Variants in RBPMS observed in about 807,000 individuals in gnomAD.
The protein encoded by RBPMS is RNA-binding protein with multiple splicing.
Under a neutral mutation model 26.8 loss-of-function variants are expected in RBPMS, and 7 were observed. The ratio of observed to expected loss-of-function variants is 0.26; its 90% confidence interval spans 0.15 to 0.49. RBPMS has a LOEUF of 0.49. Ranked by LOEUF, RBPMS falls within the 20% of genes least tolerant of loss-of-function variation. RBPMS has a pLI of 0.98. For synonymous variants in RBPMS, 96 were observed against 93.3 expected (o/e 1.03, Z -0.17); for missense variants, 186 against 250.0 (o/e 0.74, Z 1.73).
chr8:30,468,957 C>T (rs1242030224), intron 1 of RBPMS, among the ~76,000 whole-genome samples: 1 of 152,122 alleles, frequency 6.6e-6, no homozygotes, highest in Non-Finnish European at 1.5e-5. Context: ...GTTATCCTTC[C>T]CAGTTCCATG....
chr8:30,413,468 T>A (rs923668178), intron 1 of RBPMS, among the ~76,000 whole-genome samples: 1 of 152,094 alleles, frequency 6.6e-6, no homozygotes, highest in African/African-American at 2.4e-5. Context: ...CCTATACTTT[T>A]CAAATTTTGT....
chr8:30,533,413 A>T (rs888049080), intron 5 of RBPMS, among the ~76,000 whole-genome samples: 1 of 152,190 alleles, frequency 6.6e-6, no homozygotes, highest in African/African-American at 2.4e-5. Context: ...AATGAATCAA[A>T]ATAGGAGAGT....
chr8:30,390,758 A>G (rs1807700993), intron 1 of RBPMS, among the ~76,000 whole-genome samples: 1 of 151,972 alleles, frequency 6.6e-6, no homozygotes, highest in Non-Finnish European at 1.5e-5. Flanking sequence ...TCAGCTATTT[A>G]TTTTGTATGG....
intron 1 of RBPMS, among the ~76,000 whole-genome samples, chr8:30,387,862 A>C (rs937413021): frequency 3.9e-5 from 6 of 152,208 alleles, no homozygotes; most frequent in Non-Finnish European, 7.4e-5. Context: ...ATTGTGCTGA[A>C]ATGCCTCTTT....
At chr8:30,476,645 C>A (rs549540128) in intron 2 of RBPMS, among the ~76,000 whole-genome samples, 155 of 152,298 alleles carry the variant, frequency 1.0e-3, no homozygotes, top group African/African-American at 3.6e-3. Flanking sequence ...ACATTCCTGA[C>A]AACCCTCTTT....
Position 30,571,513 on chromosome 8 carries a change from C to T in RBPMS, c.*988C>T, listed in dbSNP as rs1449302999. The T allele has an allele frequency of 6.6e-6, 1 of 152,270 alleles. No homozygotes were observed. Among genetic ancestry groups the T allele is most frequent in the Non-Finnish European group, 1.5e-5 (1 of 68,066 alleles). 9.4% of individuals were successfully genotyped at this position (152,270 alleles called of 1,614,324 possible). ...TGGCCCTTGAAGGGGTTGGCTGTGC[C>T]CAGCCCACCTGGCTGCAGTGGGCAG... On this transcript the variant is annotated 3_prime_UTR_variant, in exon 9 of 9. Coordinates refer to ENST00000397323, the MANE Select transcript of RBPMS (RefSeq NM_001008710.3).
intron 6 of RBPMS, chr8:30,558,460 T>G (rs952499708): frequency 4.5e-5 from 12 of 268,070 alleles, no homozygotes; most frequent in South Asian, 2.3e-4. Flanking sequence ...CTGGTGTGGA[T>G]GGGGTCGTGA....
rs776466808 is a variant in RBPMS at position 30,479,389 on chromosome 8, T to C, written c.246+12T>C. 9.5e-6 allele frequency: 15 copies of C among 1,583,572 alleles called. No homozygotes were observed. The highest frequency in any genetic ancestry group is 1.3e-5 in the Non-Finnish European group (15 of 1,159,098). On this transcript the variant is annotated intron_variant, in intron 4 of 8. Transcript: ENST00000397323. ...AGAATGCTTTGAATGTAAGTACTAA[T>C]GATGTAATTGTAGGGGGTTTCCATA... is the stretch of plus-strand genomic sequence containing the variant.
At chr8:30,442,266 G>A (rs1389435724) in intron 1 of RBPMS, among the ~76,000 whole-genome samples, 1 of 152,076 alleles carries the variant, frequency 6.6e-6, no homozygotes, top group Non-Finnish European at 1.5e-5. Context: ...GGTGATACAG[G>A]CAAACTTAAG....
At chr8:30,505,557 A>G (rs1374292259) in intron 5 of RBPMS, among the ~76,000 whole-genome samples, 5 of 152,234 alleles carry the variant, frequency 3.3e-5, no homozygotes, top group Non-Finnish European at 7.3e-5. Context: ...TAGATTAAAA[A>G]AAATTATTTT....
intron 5 of RBPMS, among the ~76,000 whole-genome samples, chr8:30,528,011 A>C (rs909273154): frequency 2.0e-5 from 3 of 152,136 alleles, no homozygotes; most frequent in Non-Finnish European, 2.9e-5. Context: ...CCCCGTCTCT[A>C]CTAATATACA....
intron 1 of RBPMS, among the ~76,000 whole-genome samples, chr8:30,412,171 C>T (rs975752609): frequency 6.6e-6 from 1 of 152,198 alleles, no homozygotes; most frequent in Non-Finnish European, 1.5e-5. Flanking sequence ...TGTAATTAGG[C>T]ATCTTTCTTC....
In RBPMS at chr8:30,461,892, C is replaced by G. The variant is rs150770407; in HGVS notation, c.67-12887C>G. 4.1e-3 allele frequency among the ~76,000 whole-genome samples: 626 copies of G among 152,258 alleles called. 12 individuals are homozygous for G. Among genetic ancestry groups the G allele is most frequent in the Middle Eastern group, 0.02 (6 of 294 alleles). ...CACAGTCAAGTTACAGAACAAGTCCCCACTACAGAGATCTCTGAGGTTGCT... is the reference window on the plus strand; with the variant it reads ...CACAGTCAAGTTACAGAACAAGTCCGCACTACAGAGATCTCTGAGGTTGCT... On this transcript the variant is annotated intron_variant, in intron 1 of 8. Coordinates refer to ENST00000397323, the MANE Select transcript of RBPMS (RefSeq NM_001008710.3).
chr8:30,518,645 C>T (rs1430344648), intron 5 of RBPMS, among the ~76,000 whole-genome samples: 3 of 125,168 alleles, frequency 2.4e-5, no homozygotes, highest in Admixed American at 1.0e-4. Flanking sequence ...CCAGGCTGGT[C>T]TTGAACTCCT....
intron 6 of RBPMS, chr8:30,553,278 C>T (rs1984838): frequency 0.29 from 44,293 of 152,066 alleles, 6,692 homozygotes; most frequent in East Asian, 0.4. Flanking sequence ...GCGAAATTCC[C>T]AAAAAGTGTT....
chr8:30,511,627 G>A (rs1273889905), intron 5 of RBPMS, among the ~76,000 whole-genome samples: 4 of 148,288 alleles, frequency 2.7e-5, no homozygotes, highest in East Asian at 2.0e-4. Context: ...GTATATATAT[G>A]TGTGTGTGTG....
At chr8:30,421,597 A>C (rs545758443) in intron 1 of RBPMS, among the ~76,000 whole-genome samples, 1 of 152,208 alleles carries the variant, frequency 6.6e-6, no homozygotes, top group South Asian at 2.1e-4. Context: ...CTATGTGCCA[A>C]GGATAATGTC....
intron 1 of RBPMS, among the ~76,000 whole-genome samples, chr8:30,452,987 A>G (rs975498463): frequency 7.2e-5 from 11 of 152,150 alleles, no homozygotes; most frequent in Admixed American, 5.9e-4. Flanking sequence ...TCTGCCTTCA[A>G]GTGTGGTTAC....
intron 5 of RBPMS, among the ~76,000 whole-genome samples, chr8:30,517,168 T>G (rs1822414086): frequency 2.0e-5 from 3 of 150,678 alleles, no homozygotes; most frequent in South Asian, 4.2e-4. Flanking sequence ...TGTTTATCAA[T>G]AGATATATAG....
Sources: gnomAD v4.1 joint callset for allele counts (sites outside exome capture counted in the v4.1 genomes callset) on GRCh38, gnomAD v4.1.1 for gene constraint, MANE v1.5 for transcripts, NCBI Gene and HGNC (gene_info 2026-07-23, HGNC 2026-07-21) for gene names.